Variants in RAP1B observed in about 807,000 individuals in gnomAD.
The protein encoded by RAP1B is ras-related protein Rap-1b.
RAP1B carries 1 observed loss-of-function variant against 27.5 expected under a neutral mutation model. That is an observed-to-expected ratio of 0.04 (90% CI 0.01 to 0.17). The LOEUF is 0.17. RAP1B is among the 10% of genes least tolerant of loss of function. The pLI, the probability that RAP1B is intolerant of heterozygous loss-of-function variation, is 1.00. For missense variants in RAP1B, 84 were observed against 214.8 expected (o/e 0.39, Z 3.81); for synonymous variants, 75 against 73.1 (o/e 1.03, Z -0.13).
chr12:68,649,501 T>C (rs1873659858), intron 2 of RAP1B: 1 of 152,226 alleles, frequency 6.6e-6, no homozygotes, highest in Non-Finnish European at 1.5e-5. Flanking sequence ...AATGAAGACA[T>C]AACTGGGTAA....
At chr12:68,644,007 A>G (rs973190000) in intron 1 of RAP1B, among the ~76,000 whole-genome samples, 2 of 152,100 alleles carry the variant, frequency 1.3e-5, no homozygotes, top group African/African-American at 2.4e-5. Context: ...CTCTTGAGGT[A>G]ATGTAATAAT....
chr12:68,652,674 C>T (rs1017868916), intron 4 of RAP1B, among the ~76,000 whole-genome samples: 6 of 151,898 alleles, frequency 4.0e-5, no homozygotes, highest in Non-Finnish European at 8.8e-5. Flanking sequence ...AAAAATTAGC[C>T]GGGCGTGGTG....
intron 2 of RAP1B, 171 bp from the exon 3 acceptor site, chr12:68,650,229 C>T (rs1873710937): frequency 4.1e-6 from 2 of 487,682 alleles, no homozygotes; most frequent in Admixed American, 9.4e-5. Context: ...AAATAAACAG[C>T]TTCCTGAGGT....
Position 68,636,027 on chromosome 12 carries a change from C to T in RAP1B, c.-26-12672C>T, listed in dbSNP as rs4913461. On this transcript the variant is annotated intron_variant, in intron 1 of 7. Coordinates refer to ENST00000250559, the MANE Select transcript of RAP1B (RefSeq NM_001010942.3). ...CTGAGTATCTGGGACTACAAGCGCC[C>T]GCCACCACATTCGAGTATTTTTTTT... Among the ~76,000 whole-genome samples, 1,017 of 151,736 alleles carry T rather than the reference C, an allele frequency of 6.7e-3. 10 individuals carry two copies. The highest frequency in any genetic ancestry group is 0.023 in the African/African-American group (966 of 41,410).
chr12:68,628,252 C>G (rs1353294664), intron 1 of RAP1B, among the ~76,000 whole-genome samples: 2 of 152,176 alleles, frequency 1.3e-5, no homozygotes, highest in African/African-American at 2.4e-5. Context: ...GATTTCTCTT[C>G]TCCTCTTGGT....
At chr12:68,652,205 G>A (rs1456372572) in intron 4 of RAP1B, among the ~76,000 whole-genome samples, 154 bp downstream of exon 4, 1 of 152,160 alleles carries the variant, frequency 6.6e-6, no homozygotes, top group African/African-American at 2.4e-5. Flanking sequence ...CAGCACTTCG[G>A]GAGGTCAAGG....
chr12:68,612,858 G>A (rs534545695), intron 1 of RAP1B, among the ~76,000 whole-genome samples: 7 of 152,146 alleles, frequency 4.6e-5, no homozygotes, highest in African/African-American at 1.7e-4. Flanking sequence ...CTTTTAATGT[G>A]TACTACGTTA....
At chr12:68,612,081 G>T (rs536718448) in intron 1 of RAP1B, among the ~76,000 whole-genome samples, 2 of 152,302 alleles carry the variant, frequency 1.3e-5, no homozygotes, top group East Asian at 3.9e-4. Flanking sequence ...CTGTGTTGCA[G>T]TAAGGGGAAA....
At chr12:68,619,598 C>T (rs1871255201) in intron 1 of RAP1B, among the ~76,000 whole-genome samples, 1 of 152,180 alleles carries the variant, frequency 6.6e-6, no homozygotes, top group Non-Finnish European at 1.5e-5. Flanking sequence ...AGACCAGTAT[C>T]CAGATTTATC....
In RAP1B at chr12:68,659,298, C is replaced by G; in HGVS notation, c.*49C>G. 2 of 456,920 alleles carry G rather than the reference C, an allele frequency of 4.4e-6. No individual in the cohort carries two copies. Among genetic ancestry groups the G allele is most frequent in the Non-Finnish European group, 8.8e-6 (2 of 226,616 alleles). 28.3% of individuals were successfully genotyped at this position (456,920 alleles called of 1,614,324 possible). On this transcript the variant is annotated 3_prime_UTR_variant, in exon 8 of 8. Coordinates refer to ENST00000250559, the MANE Select transcript of RAP1B (RefSeq NM_001010942.3). ...TTGACAGGTCTGAAGAACTGTTGCC[C>G]AATTCAACAGTGCCAGCATTCCAAC...
intron 1 of RAP1B, among the ~76,000 whole-genome samples, chr12:68,638,918 C>G (rs558786800): frequency 2.6e-5 from 4 of 152,112 alleles, no homozygotes; most frequent in South Asian, 2.1e-4. Context: ...GCCTCGGCCC[C>G]GCAAAGTGCT....
At chr12:68,632,778 C>T (rs764419014) in intron 1 of RAP1B, among the ~76,000 whole-genome samples, 35 of 152,038 alleles carry the variant, frequency 2.3e-4, no homozygotes, top group Non-Finnish European at 4.4e-4. Context: ...CTCCTTTTTA[C>T]AAAAGGCTTC....
intron 7 of RAP1B, 23 bp downstream of exon 7, chr12:68,657,240 TAACTTTTA>T: frequency 3.4e-6 from 5 of 1,459,540 alleles, no homozygotes; most frequent in Non-Finnish European, 3.8e-6. Flanking sequence ...ATCTTTCCTC[TAACTTTTA>T]ATCACTCAAC....
chr12:68,623,131 A>G (rs1427027756), intron 1 of RAP1B, among the ~76,000 whole-genome samples: 2 of 152,238 alleles, frequency 1.3e-5, no homozygotes, highest in Non-Finnish European at 2.9e-5. Flanking sequence ...CTTAGTTACT[A>G]TATGTTAGGA....
intron 1 of RAP1B, among the ~76,000 whole-genome samples, chr12:68,625,791 G>A (rs536850891): frequency 1.1e-4 from 17 of 152,094 alleles, no homozygotes; most frequent in African/African-American, 3.1e-4. Context: ...GCGTGGTGGC[G>A]CGCACCTGTA....
chr12:68,658,123 GTTAA>G (rs1391225148), intron 7 of RAP1B, among the ~76,000 whole-genome samples: 2 of 152,202 alleles, frequency 1.3e-5, no homozygotes, highest in Non-Finnish European at 2.9e-5. Flanking sequence ...TTGTTAAACT[GTTAA>G]TTTATTCTTA....
Position 68,662,820 on chromosome 12 carries a change from C to T in RAP1B, c.*3571C>T, listed in dbSNP as rs1395696875. On this transcript the variant is annotated 3_prime_UTR_variant, in exon 8 of 8. Coordinates refer to ENST00000250559, the MANE Select transcript of RAP1B (RefSeq NM_001010942.3). ...CTGACAGCCTGGGCAACATAGACCC[C>T]ATCTCTACAAAAAAAAATTTTTTTT... is the stretch of plus-strand genomic sequence containing the variant. The T allele has an allele frequency of 2.0e-5, 3 of 151,688 alleles. No individual in the cohort carries two copies. Among genetic ancestry groups the T allele is most frequent in the African/African-American group, 7.3e-5 (3 of 41,272 alleles). 9.4% of individuals were successfully genotyped at this position (151,688 alleles called of 1,614,324 possible).
intron 4 of RAP1B, among the ~76,000 whole-genome samples, chr12:68,653,648 G>A (rs1873979463): frequency 6.6e-6 from 1 of 152,048 alleles, no homozygotes; most frequent in East Asian, 1.9e-4. Context: ...CCTATTTCCA[G>A]CTGGGCGTGG....
chr12:68,618,564 A>C (rs182197015), intron 1 of RAP1B, among the ~76,000 whole-genome samples: 20 of 152,310 alleles, frequency 1.3e-4, no homozygotes, highest in African/African-American at 3.6e-4. Flanking sequence ...GCGAGTCTAC[A>C]AGTGCAAAAC....
Sources: gnomAD v4.1 joint callset for allele counts (sites outside exome capture counted in the v4.1 genomes callset) on GRCh38, gnomAD v4.1.1 for gene constraint, MANE v1.5 for transcripts, NCBI Gene and HGNC (gene_info 2026-07-23, HGNC 2026-07-21) for gene names.